SEMA3D: variants seen among roughly 807,000 people sequenced by gnomAD.
The protein encoded by SEMA3D is semaphorin-3D.
A neutral mutation model predicts 100.1 loss-of-function variants in SEMA3D; 84 were observed. The ratio of observed to expected loss-of-function variants is 0.84; its 90% confidence interval spans 0.70 to 1.01. The LOEUF is 1.01. SEMA3D is among the 50% of genes least tolerant of loss of function. The probability of loss-of-function intolerance (pLI) is 0.00; values close to 1 mark genes in which losing one functional copy is unlikely to be tolerated. For synonymous variants in SEMA3D, 312 were observed against 320.7 expected, an observed-to-expected ratio of 0.97 and a Z score of 0.29; for missense variants, 875 against 934.1, an observed-to-expected ratio of 0.94 and a Z score of 0.82.
the SEMA3D span, among the ~76,000 whole-genome samples, chr7:85,238,692 T>C: frequency 2.0e-5 from 3 of 152,178 alleles, no homozygotes; most frequent in Admixed American, 2.0e-4. Flanking sequence ...GGATTTTCCA[T>C]ACAGACTTTA....
chr7:85,243,361 G>C, the SEMA3D span, among the ~76,000 whole-genome samples: 1 of 152,098 alleles, frequency 6.6e-6, no homozygotes, highest in African/African-American at 2.4e-5. Flanking sequence ...CCCATGAGTG[G>C]AGTTTTTCTC....
chr7:85,019,142 A>G (rs979140013), intron 14 of SEMA3D, among the ~76,000 whole-genome samples: 1 of 151,760 alleles, frequency 6.6e-6, no homozygotes, highest in Non-Finnish European at 1.5e-5. Context: ...TCTCAATTAT[A>G]CCTCAATAAA....
chr7:85,052,284 A>G (rs1791187988), intron 9 of SEMA3D, among the ~76,000 whole-genome samples: 1 of 151,952 alleles, frequency 6.6e-6, no homozygotes, highest in South Asian at 2.1e-4. Context: ...TTCTCTGCTT[A>G]AAACATTTTA....
chr7:85,198,426 TTTGGGA>T, the SEMA3D span, among the ~76,000 whole-genome samples: 1 of 152,042 alleles, frequency 6.6e-6, no homozygotes, highest in Non-Finnish European at 1.5e-5. Context: ...TCATGGATCC[TTTGGGA>T]TTATTCAGGA....
At chr7:85,126,632 C>T (rs1047295445) in intron 2 of SEMA3D, among the ~76,000 whole-genome samples, 3 of 151,908 alleles carry the variant, frequency 2.0e-5, no homozygotes, top group Admixed American at 6.6e-5. Flanking sequence ...ATTGCTGCTC[C>T]TATTTTGAGC....
intron 12 of SEMA3D, chr7:85,029,516 C>T (rs957616027): frequency 1.6e-6 from 1 of 620,392 alleles, no homozygotes; most frequent in Non-Finnish European, 3.0e-6. Flanking sequence ...AATCAGACTG[C>T]AGAGAAGGAA....
chr7:85,200,661 C>G, the SEMA3D span, among the ~76,000 whole-genome samples: 1 of 152,144 alleles, frequency 6.6e-6, no homozygotes, highest in Admixed American at 6.5e-5. Context: ...AAATTGAAGC[C>G]AACTGGATAA....
At chr7:85,205,478 T>C in the SEMA3D span, among the ~76,000 whole-genome samples, 1 of 152,140 alleles carries the variant, frequency 6.6e-6, no homozygotes, top group Non-Finnish European at 1.5e-5. Flanking sequence ...TTTTTCTGTT[T>C]CCCTTTTTAC....
chr7:85,199,958 G>A, the SEMA3D span, among the ~76,000 whole-genome samples: 2 of 152,090 alleles, frequency 1.3e-5, no homozygotes, highest in Non-Finnish European at 2.9e-5. Context: ...AAGTTCCCCT[G>A]CACAAACTCT....
chr7:85,128,884 CTTT>C lies in SEMA3D; in HGVS notation c.-40-6956_-40-6954del, dbSNP rs5885451. Among the ~76,000 whole-genome samples, 438 of 89,500 alleles carry C rather than the reference CTTT, an allele frequency of 4.9e-3. 3 individuals are homozygous for C. Among genetic ancestry groups the C allele is most frequent in the African/African-American group, 0.019 (417 of 22,172 alleles). 58.7% of individuals were successfully genotyped at this position (89,500 alleles called of 152,430 possible). On this transcript the variant is annotated intron_variant, in intron 2 of 18. Coordinates refer to ENST00000284136, the MANE Select transcript of SEMA3D (RefSeq NM_001384900.1). ...TTTATGATATATATATATTTTTTTCCTTTTTTTTTTTTTTTTTTTTAGAGATAG... is the reference window on the plus strand; with the variant it reads ...TTTATGATATATATATATTTTTTTCCTTTTTTTTTTTTTTTTTAGAGATAG...
At chr7:85,041,498 C>T (rs1464232825) in intron 10 of SEMA3D, 2 of 152,024 alleles carry the variant, frequency 1.3e-5, no homozygotes, top group Non-Finnish European at 2.9e-5. Flanking sequence ...AGGTCATCCA[C>T]GATTACTCAA....
Position 85,126,768 on chromosome 7 carries a change from A to C in SEMA3D, c.-40-4837T>G, listed in dbSNP as rs186534868. Among the ~76,000 whole-genome samples the C allele has an allele frequency of 4.3e-3, 654 of 152,216 alleles. 5 individuals carry two copies. The highest frequency in any genetic ancestry group is 0.015 in the African/African-American group (641 of 41,556). On this transcript the variant is annotated intron_variant, in intron 2 of 18. Coordinates refer to ENST00000284136, the MANE Select transcript of SEMA3D (RefSeq NM_001384900.1). Reference sequence around the variant, plus strand: ...ATTATAGAAAAAAACTCGAAAGCCAAAGGGGTAACATAGGCAAACACAGAG... The same window carrying C: ...ATTATAGAAAAAAACTCGAAAGCCACAGGGGTAACATAGGCAAACACAGAG...
chr7:84,995,682 A>AATTG lies in SEMA3D; in HGVS notation c.*3754_*3757dup, dbSNP rs1789479736. The AATTG allele has an allele frequency of 6.6e-6, 1 of 152,058 alleles. No individual in the cohort carries two copies. Among genetic ancestry groups the AATTG allele is most frequent in the Non-Finnish European group, 1.5e-5 (1 of 67,920 alleles). The allele number at this position is 152,058 out of a possible 1,614,324, so 9.4% of individuals were successfully genotyped here. A position where few individuals can be genotyped will look rare whatever the true frequency, so the allele number is the denominator to read the frequency against. On this transcript the variant is annotated 3_prime_UTR_variant, in exon 19 of 19. Transcript: ENST00000284136. ...TAAAATAGCAGAATTATAAATTCAAAATTGATTGCTAACCACTCACAATAC... is the reference window on the plus strand; with the variant it reads ...TAAAATAGCAGAATTATAAATTCAAAATTGATTGATTGCTAACCACTCACAATAC...
At chr7:85,102,289 T>C (rs760238094) in intron 3 of SEMA3D, among the ~76,000 whole-genome samples, 5 of 152,022 alleles carry the variant, frequency 3.3e-5, no homozygotes, top group Non-Finnish European at 5.9e-5. Context: ...GAACACATGT[T>C]ACTCCAGGTT....
At chr7:85,247,518 A>C in the SEMA3D span, among the ~76,000 whole-genome samples, 1 of 152,164 alleles carries the variant, frequency 6.6e-6, no homozygotes, top group Non-Finnish European at 1.5e-5. Flanking sequence ...CATTTAAAAA[A>C]GAAGTTATTT....
At chr7:85,026,314 G>T (rs189045809) in intron 12 of SEMA3D, among the ~76,000 whole-genome samples, 1 of 151,984 alleles carries the variant, frequency 6.6e-6, no homozygotes, top group Non-Finnish European at 1.5e-5. Context: ...GTGATGGAGT[G>T]AGCAAATATT....
intron 8 of SEMA3D, 50 bp downstream of exon 8, chr7:85,065,374 T>G (rs1312468645): frequency 6.4e-7 from 1 of 1,567,004 alleles, no homozygotes; most frequent in African/African-American, 1.4e-5. Context: ...TTCTTATCTA[T>G]CTTAAACCAA....
chr7:85,196,056 G>A, the SEMA3D span, among the ~76,000 whole-genome samples: 3 of 152,140 alleles, frequency 2.0e-5, no homozygotes, highest in African/African-American at 7.2e-5. Context: ...AACCAAAGAT[G>A]CTATTTAAAA....
At chr7:85,146,511 G>C in intron 2 of SEMA3D, among the ~76,000 whole-genome samples, 1 of 151,364 alleles carries the variant, frequency 6.6e-6, no homozygotes, top group Non-Finnish European at 1.5e-5. Context: ...CCAAGATTGG[G>C]CCACTGCACT....
Sources: allele counts gnomAD v4.1 joint callset (sites outside exome capture counted in the v4.1 genomes callset), GRCh38; gene constraint gnomAD v4.1.1; transcripts MANE v1.5; gene names NCBI Gene and HGNC (gene_info 2026-07-23, HGNC 2026-07-21).